Variants in RTN1 observed in about 807,000 individuals in gnomAD.
RTN1 encodes reticulon-1.
In RTN1, 25 loss-of-function variants were observed where a neutral mutation model predicts 65.5. The ratio of observed to expected loss-of-function variants is 0.38; its 90% CI spans 0.28 to 0.53. The LOEUF (loss-of-function observed/expected upper bound fraction) is 0.53. RTN1 is among the 20% of genes least tolerant of loss of function. RTN1 has a pLI of 0.79. For synonymous variants in RTN1, 471 were observed against 447.6 expected, an observed-to-expected ratio of 1.05 and a Z score of -0.66; for missense variants, 983 against 1,025.4, an observed-to-expected ratio of 0.96 and a Z score of 0.57.
chr14:59,819,414 A>ACCACCCCCCCCCC (rs1886889373), intron 1 of RTN1, among the ~76,000 whole-genome samples: 1 of 31,862 alleles, frequency 3.1e-5, no homozygotes, highest in African/African-American at 3.0e-4. Context: ...CACCACCACC[A>ACCACCCCCCCCCC]CCCCCCCCCC....
intron 1 of RTN1, among the ~76,000 whole-genome samples, chr14:59,793,814 C>T (rs941064997): frequency 6.6e-6 from 1 of 152,074 alleles, no homozygotes; most frequent in Non-Finnish European, 1.5e-5. Flanking sequence ...CAGCCCAAAT[C>T]CCCAACTCAT....
At chr14:59,740,012 A>G (rs1885084766) in intron 2 of RTN1, among the ~76,000 whole-genome samples, 1 of 152,160 alleles carries the variant, frequency 6.6e-6, no homozygotes, top group Non-Finnish European at 1.5e-5. Context: ...TGTTCTGGAG[A>G]CAGGCTGGTG....
intron 3 of RTN1, chr14:59,630,668 G>A (rs1800990643): frequency 8.3e-7 from 1 of 1,205,488 alleles, no homozygotes; most frequent in African/African-American, 1.6e-5. Context: ...GAGCGTCGCT[G>A]GCGCCGCAGT....
At chr14:59,641,877 G>A (rs1435985954) in intron 3 of RTN1, among the ~76,000 whole-genome samples, 1 of 151,958 alleles carries the variant, frequency 6.6e-6, no homozygotes, top group East Asian at 1.9e-4. Context: ...ACAGTTTTTT[G>A]TTGTAAAAAA....
intron 1 of RTN1, among the ~76,000 whole-genome samples, chr14:59,823,610 C>G (rs1237023711): frequency 6.6e-6 from 1 of 152,112 alleles, no homozygotes; most frequent in Non-Finnish European, 1.5e-5. Flanking sequence ...CCCATCTCTT[C>G]CGGCTTACAA....
Position 59,745,802 on chromosome 14 carries a change from A to G in RTN1, c.921T>C (p.Cys307=). ...GGACTGTGTCAGGACTTGGCTTTAG[A>G]CATATATCTTGCTTCTCAGGGGTCT... The part of the protein sequence containing the change: ...QEKTPEKQDI[C]LKPSPDTVPT... The change falls in exon 2 of 9, where the codon TGT becomes TGC. Residue 307 remains cysteine (C), a synonymous_variant. Coordinates refer to ENST00000267484, the MANE Select transcript of RTN1 (RefSeq NM_021136.3). 1 of 1,613,942 alleles carries G rather than the reference A, an allele frequency of 6.2e-7. No homozygotes were observed. Among genetic ancestry groups the G allele is most frequent in the Non-Finnish European group, 8.5e-7 (1 of 1,180,002 alleles).
chr14:59,607,922 G>C (rs1032017709), intron 3 of RTN1, among the ~76,000 whole-genome samples: 2 of 151,030 alleles, frequency 1.3e-5, no homozygotes, highest in Admixed American at 1.3e-4. Context: ...AAAAGAGAGA[G>C]AGAGCCCCTG....
chr14:59,832,371 G>A (rs1272112211), intron 1 of RTN1, among the ~76,000 whole-genome samples: 1 of 151,890 alleles, frequency 6.6e-6, no homozygotes, highest in Admixed American at 6.6e-5. Flanking sequence ...CTGTGGTGCA[G>A]GATCCATGGT....
At chr14:59,763,338 A>C (rs1173238993) in intron 1 of RTN1, among the ~76,000 whole-genome samples, 1 of 152,208 alleles carries the variant, frequency 6.6e-6, no homozygotes, top group Non-Finnish European at 1.5e-5. Context: ...TTAAAGCAAG[A>C]CAATAATTCA....
At chr14:59,729,767 G>T (rs1884860408) in intron 2 of RTN1, among the ~76,000 whole-genome samples, 1 of 152,144 alleles carries the variant, frequency 6.6e-6, no homozygotes, top group Non-Finnish European at 1.5e-5. Flanking sequence ...CTCTCTGCCC[G>T]CTTGGATCCA....
intron 3 of RTN1, among the ~76,000 whole-genome samples, chr14:59,622,451 T>A (rs748342292): frequency 6.6e-5 from 10 of 152,186 alleles, no homozygotes; most frequent in Non-Finnish European, 1.3e-4. Context: ...GCTGTTGAAA[T>A]TTATTTACTT....
chr14:59,626,682 G>C (rs1286447132), intron 3 of RTN1, among the ~76,000 whole-genome samples: 2 of 152,106 alleles, frequency 1.3e-5, no homozygotes, highest in Non-Finnish European at 2.9e-5. Flanking sequence ...TTACGTCCTG[G>C]GGCAAACTGC....
chr14:59,854,578 C>T (rs4274354), intron 1 of RTN1, among the ~76,000 whole-genome samples: 34,509 of 140,002 alleles, frequency 0.25, 4,341 homozygotes, highest in East Asian at 0.57. Flanking sequence ...GAGGTGGAGG[C>T]TGCAGTGAGC....
intron 3 of RTN1, among the ~76,000 whole-genome samples, chr14:59,641,639 G>T (rs944596068): frequency 3.3e-5 from 5 of 152,162 alleles, no homozygotes; most frequent in Non-Finnish European, 5.9e-5. Context: ...CCAAAGTGCT[G>T]GGATTACAGG....
chr14:59,813,725 A>G (rs773022859), intron 1 of RTN1, among the ~76,000 whole-genome samples: 1 of 152,232 alleles, frequency 6.6e-6, no homozygotes, highest in Admixed American at 6.5e-5. Flanking sequence ...AAAAGATTCT[A>G]TATCAGTAAT....
In RTN1 at chr14:59,690,314, T is replaced by C. The variant is rs1158521360; in HGVS notation, c.1765+36605A>G. Among the ~76,000 whole-genome samples, 4 of 147,320 alleles carry C rather than the reference T, an allele frequency of 2.7e-5. 1 individual carries two copies. The South Asian group carries it at 8.7e-4, about 32-fold the overall frequency. On this transcript the variant is annotated intron_variant, in intron 3 of 8. Coordinates refer to ENST00000267484, the MANE Select transcript of RTN1 (RefSeq NM_021136.3). ...AACAAAGAGCGGAGGTGGGGGGGGG[T>C]CATTATCCTTATATCATATAAGAAT...
chr14:59,799,201 G>A (rs909368350), intron 1 of RTN1, among the ~76,000 whole-genome samples: 9 of 152,176 alleles, frequency 5.9e-5, no homozygotes, highest in Non-Finnish European at 1.2e-4. Flanking sequence ...CAGAAAAAAG[G>A]CTAAGGATAG....
intron 3 of RTN1, among the ~76,000 whole-genome samples, chr14:59,716,739 C>T (rs915873258): frequency 7.3e-5 from 11 of 150,792 alleles, no homozygotes; most frequent in Admixed American, 2.0e-4. Context: ...GGGTGGATCA[C>T]GAGGTCAGGA....
intron 3 of RTN1, among the ~76,000 whole-genome samples, chr14:59,674,333 T>G (rs1883574672): frequency 6.6e-6 from 1 of 152,180 alleles, no homozygotes; most frequent in African/African-American, 2.4e-5. Context: ...AGTGATAGCA[T>G]GCCTAGTGCT....
Sources: gnomAD v4.1 joint callset for allele counts (sites outside exome capture counted in the v4.1 genomes callset) on GRCh38, gnomAD v4.1.1 for gene constraint, MANE v1.5 for transcripts, NCBI Gene and HGNC (gene_info 2026-07-23, HGNC 2026-07-21) for gene names.